FUT8: variants seen among roughly 807,000 people sequenced by gnomAD.
FUT8 encodes alpha-(1,6)-fucosyltransferase.
FUT8 carries 29 observed loss-of-function variants against 71.3 expected under a neutral mutation model. The observed-to-expected ratio is 0.41, with a 90% CI of 0.30 to 0.55. The LOEUF (loss-of-function observed/expected upper bound fraction) is 0.55, where lower values mean the gene tolerates loss of function less well. Among genes scored for constraint, FUT8 ranks in the 20% least tolerant of loss-of-function variants. FUT8 has a pLI of 0.34. For synonymous variants in FUT8, 254 were observed against 239.3 expected (o/e 1.06, Z -0.57); for missense variants, 544 against 702.1 (o/e 0.77, Z 2.55).
At chr14:65,528,532 G>T (rs889284143) in intron 2 of FUT8, among the ~76,000 whole-genome samples, 8 of 152,132 alleles carry the variant, frequency 5.3e-5, no homozygotes, top group Admixed American at 5.2e-4. Flanking sequence ...TTCAGCTCAC[G>T]CTTGGTGGGC....
intron 5 of FUT8, among the ~76,000 whole-genome samples, chr14:65,618,914 G>C (rs1031612157): frequency 3.3e-5 from 5 of 152,144 alleles, no homozygotes; most frequent in African/African-American, 1.2e-4. Context: ...TGGGTTAGAA[G>C]ATTATTAGCA....
intron 6 of FUT8, among the ~76,000 whole-genome samples, chr14:65,663,774 C>T (rs373378929): frequency 3.9e-5 from 6 of 152,064 alleles, no homozygotes; most frequent in Admixed American, 3.3e-4. Context: ...TTCATTAAGC[C>T]GCTTGTACAG....
chr14:65,692,569 A>C (rs1159484791), intron 7 of FUT8, among the ~76,000 whole-genome samples: 1 of 102,578 alleles, frequency 9.7e-6, no homozygotes, highest in Admixed American at 1.0e-4. Flanking sequence ...GACCCCCCGC[A>C]CCTCCCTCCC....
At chr14:65,360,644 C>T in the FUT8 span, among the ~76,000 whole-genome samples, 2 of 152,202 alleles carry the variant, frequency 1.3e-5, no homozygotes, top group African/African-American at 4.8e-5. Context: ...TATCCGGACT[C>T]TGTTGATAAC....
At chr14:65,520,510 A>G (rs1883009089) in intron 2 of FUT8, among the ~76,000 whole-genome samples, 1 of 152,116 alleles carries the variant, frequency 6.6e-6, no homozygotes, top group Admixed American at 6.5e-5. Flanking sequence ...TATTTCAATA[A>G]CTTGCTGTTT....
Position 65,542,628 on chromosome 14 carries a change from A to G in FUT8, c.-227-18709A>G, listed in dbSNP as rs536859355. On this transcript the variant is annotated intron_variant, in intron 2 of 10. Coordinates refer to ENST00000673929, the MANE Select transcript of FUT8 (RefSeq NM_001371533.1). ...GGGCTTTCATGTCTCTTGTATGAAG[A>G]GTGCATGTTTACTGCACTTTTGAAT... 2.6e-5 allele frequency among the ~76,000 whole-genome samples: 4 copies of G among 152,316 alleles called. No individual in the cohort carries two copies. The South Asian group carries it at 8.3e-4, about 32-fold the overall frequency.
intron 3 of FUT8, among the ~76,000 whole-genome samples, chr14:65,594,561 C>A (rs1181052163): frequency 6.6e-6 from 1 of 152,172 alleles, no homozygotes; most frequent in African/African-American, 2.4e-5. Flanking sequence ...GTATGACAGA[C>A]TTTTTGGGTA....
the FUT8 span, among the ~76,000 whole-genome samples, chr14:65,378,506 T>C: frequency 6.6e-6 from 1 of 152,000 alleles, no homozygotes; most frequent in African/African-American, 2.4e-5. Flanking sequence ...AGGAGAGAAA[T>C]AGAGGCTCCC....
At chr14:65,691,646 C>G (rs1893601875) in intron 7 of FUT8, among the ~76,000 whole-genome samples, 1 of 151,926 alleles carries the variant, frequency 6.6e-6, no homozygotes. Flanking sequence ...GTGTTTCTCG[C>G]AGAGGGGGAT....
chr14:65,683,015 T>G (rs1028754885), intron 7 of FUT8, among the ~76,000 whole-genome samples: 1 of 144,664 alleles, frequency 6.9e-6, no homozygotes, highest in African/African-American at 2.6e-5. Context: ...TAATTGCAAT[T>G]TTTTTTTTTT....
intron 6 of FUT8, among the ~76,000 whole-genome samples, chr14:65,663,145 A>G (rs187656189): frequency 1.0e-3 from 159 of 152,228 alleles, no homozygotes; most frequent in Admixed American, 2.1e-3. Flanking sequence ...CATCAACTGG[A>G]TAGTATAAAA....
intron 7 of FUT8, among the ~76,000 whole-genome samples, chr14:65,690,818 G>A (rs920839865): frequency 1.3e-5 from 2 of 151,666 alleles, no homozygotes; most frequent in Admixed American, 1.3e-4. Flanking sequence ...TCTGCCTCCC[G>A]GGTGCAAGCT....
At chr14:65,399,267 C>T in the FUT8 span, among the ~76,000 whole-genome samples, 11 of 151,978 alleles carry the variant, frequency 7.2e-5, no homozygotes, top group South Asian at 2.1e-4. Flanking sequence ...CAGTGAGCCG[C>T]GATCGCGCCA....
intron 2 of FUT8, chr14:65,471,134 TCCTG>T (rs2066138500): frequency 2.3e-6 from 1 of 431,354 alleles, no homozygotes; most frequent in South Asian, 1.7e-5. Context: ...AGTTCTATAG[TCCTG>T]TAATTAGATC....
chr14:65,398,804 CTT>C, the FUT8 span, among the ~76,000 whole-genome samples: 1 of 151,906 alleles, frequency 6.6e-6, no homozygotes, highest in Non-Finnish European at 1.5e-5. Context: ...TAAAAATGTT[CTT>C]GTTTCATCTG....
intron 2 of FUT8, among the ~76,000 whole-genome samples, chr14:65,488,146 T>C (rs1594690241): frequency 6.6e-6 from 1 of 152,176 alleles, no homozygotes; most frequent in East Asian, 1.9e-4. Flanking sequence ...GATCCTGTTA[T>C]GTAGGTGCTC....
At chr14:65,412,036 C>CT (rs2065134471), upstream of FUT8, 1 of 456,646 alleles carries the variant, frequency 2.2e-6, no homozygotes, top group Non-Finnish European at 4.4e-6. Context: ...TCTCCCCGTG[C>CT]TGTTCTCTTT....
intron 3 of FUT8, among the ~76,000 whole-genome samples, chr14:65,581,120 T>C (rs775749204): frequency 4.6e-5 from 7 of 152,052 alleles, no homozygotes; most frequent in Non-Finnish European, 8.8e-5. Flanking sequence ...GATGTAGGTG[T>C]TTGATGATGT....
chr14:65,561,845 A>G (rs1885932238), intron 3 of FUT8, 79 bp downstream of exon 3: 1 of 1,131,098 alleles, frequency 8.8e-7, no homozygotes, highest in East Asian at 2.5e-5. Context: ...TCCGCTAGGA[A>G]AAATAGTTAA....
Sources: allele counts gnomAD v4.1 joint callset (sites outside exome capture counted in the v4.1 genomes callset), GRCh38; gene constraint gnomAD v4.1.1; transcripts MANE v1.5; gene names NCBI Gene and HGNC (gene_info 2026-07-23, HGNC 2026-07-21).